The following DNAH12 variants were observed in gnomAD, a reference collection of about 807,000 sequenced individuals.
The protein encoded by DNAH12 is dynein axonemal heavy chain 12.
Under a neutral mutation model 371.5 loss-of-function variants are expected in DNAH12, and 285 were observed. The ratio of observed to expected loss-of-function variants is 0.77; its 90% confidence interval spans 0.70 to 0.85. DNAH12 has a LOEUF of 0.85. Ranked by LOEUF, DNAH12 falls within the 40% of genes least tolerant of loss-of-function variation. The pLI is 0.00. For missense variants in DNAH12, 3,611 were observed against 3,689.4 expected (o/e 0.98, Z 0.55); for synonymous variants, 1,200 against 1,213.0 (o/e 0.99, Z 0.22).
chr3:57,479,653 T>C (rs1250053069), intron 13 of DNAH12, among the ~76,000 whole-genome samples: 6 of 152,116 alleles, frequency 3.9e-5, no homozygotes, highest in South Asian at 2.1e-4. Context: ...TATTCCAAAA[T>C]TGACCACACG....
chr3:57,469,531 G>A (rs374499928), intron 16 of DNAH12, among the ~76,000 whole-genome samples: 11 of 152,270 alleles, frequency 7.2e-5, no homozygotes, highest in African/African-American at 2.4e-4. Flanking sequence ...ACATGTACTC[G>A]TCTGTTCATC....
At chr3:57,413,217 T>C (rs781937381) in intron 39 of DNAH12, among the ~76,000 whole-genome samples, 3 of 152,154 alleles carry the variant, frequency 2.0e-5, no homozygotes, top group Non-Finnish European at 4.4e-5. Context: ...ACTCCAACTA[T>C]ATGACATTCT....
chr3:57,448,367 C>T (rs1023063968), intron 25 of DNAH12, among the ~76,000 whole-genome samples: 7 of 151,804 alleles, frequency 4.6e-5, no homozygotes, highest in African/African-American at 1.7e-4. Flanking sequence ...TCCTGGTGGG[C>T]TCGTGCTCTC....
chr3:57,363,461 T>G (rs1201504955), intron 58 of DNAH12, 133 bp downstream of exon 58: 1 of 152,184 alleles, frequency 6.6e-6, no homozygotes, highest in African/African-American at 2.4e-5. Flanking sequence ...TTTTGGTATT[T>G]TATCATTTTC....
chr3:57,433,668 G>A lies in DNAH12; in HGVS notation c.4816C>T (p.Gln1606Ter). The A allele has an allele frequency of 6.5e-7, 1 of 1,549,968 alleles. No individual in the cohort carries two copies. The highest frequency in any genetic ancestry group is 8.7e-7 in the Non-Finnish European group (1 of 1,146,712). ...KSITMGQLFGQFDPVSHEWTD... is the reference protein window; with the variant it reads ...KSITMGQLFG ...ACCTCATGAGACACTGGGTCAAACT[G>A]TCCAAAAAGTTGGCCCATAGTAATA... The change falls in exon 31 of 74, where the codon CAG (glutamine) becomes TAG (stop). Residue 1606 changes from glutamine (Q) to a stop codon, truncating the protein, a stop_gained. Coordinates refer to ENST00000495027, the MANE Select transcript of DNAH12 (RefSeq NM_001366028.2). LOFTEE classifies it high-confidence loss of function.
At position 57,334,889 on chromosome 3, in the gene DNAH12, T is replaced by C. The variant is rs1449984417; in HGVS notation, c.9726A>G (p.Gly3242=). The change falls in exon 61 of 74, where the codon GGA becomes GGG. Residue 3242 remains glycine (G), a synonymous_variant. Transcript: ENST00000495027. ...YQELMFLLTG[G]VSLKSAEKNP... ...TTTTCTCAGCACTTTTAAGACTTAC[T>C]CCTCCAGTTAAAAGAAACATCAGTT... 2 of 1,551,682 alleles carry C rather than the reference T, an allele frequency of 1.3e-6. No homozygotes were observed. Among genetic ancestry groups the C allele is most frequent in the East Asian group, 4.9e-5 (2 of 40,918 alleles).
In DNAH12 at chr3:57,399,456, T is replaced by A. The variant is rs1043499492; in HGVS notation, c.6948+3853A>T. Among the ~76,000 whole-genome samples the A allele has an allele frequency of 1.9e-3, 284 of 152,272 alleles. 2 individuals carry two copies. The highest frequency in any genetic ancestry group is 3.4e-3 in the Middle Eastern group (1 of 294). On this transcript the variant is annotated intron_variant, in intron 43 of 73. Coordinates refer to ENST00000495027, the MANE Select transcript of DNAH12 (RefSeq NM_001366028.2). The stretch of plus-strand genomic sequence containing the variant: ...TTCATTTTAGATCCAAGGAAATATG[T>A]AAGCTAAAGAATGGAAAAAGATATA...
At chr3:57,484,271 C>A (rs2066854228) in intron 12 of DNAH12, among the ~76,000 whole-genome samples, 1 of 152,036 alleles carries the variant, frequency 6.6e-6, no homozygotes, top group African/African-American at 2.4e-5. Context: ...AGATCAAACC[C>A]TCAAACTCTT....
At position 57,472,717 on chromosome 3, in the gene DNAH12, A is replaced by G. The variant is rs1159851925; in HGVS notation, c.1651-46T>C. On this transcript the variant is annotated intron_variant, in intron 13 of 73. Coordinates refer to ENST00000495027, the MANE Select transcript of DNAH12 (RefSeq NM_001366028.2). Reference sequence around the variant, plus strand: ...ATAATATGTCATATAGAAAATCTACATCATTATGAAAAAGAGAAGAACCAA... The same window carrying G: ...ATAATATGTCATATAGAAAATCTACGTCATTATGAAAAAGAGAAGAACCAA... The G allele has an allele frequency of 2.0e-6, 3 of 1,516,710 alleles. No homozygotes were observed. In the Admixed American group the frequency reaches 6.6e-5, roughly 33 times the overall value. The allele number at this position is 1,516,710 out of a possible 1,614,324, so 94.0% of individuals were successfully genotyped here.
the DNAH12 span, among the ~76,000 whole-genome samples, chr3:57,552,833 T>G: frequency 1.3e-5 from 2 of 152,184 alleles, no homozygotes. Context: ...TGAACTATTA[T>G]GTTGCCACTG....
chr3:57,358,535 G>C (rs1189381072), intron 58 of DNAH12, among the ~76,000 whole-genome samples: 2 of 152,106 alleles, frequency 1.3e-5, no homozygotes, highest in African/African-American at 2.4e-5. Flanking sequence ...GTGGGTTCCT[G>C]TTCCTTGCAA....
At chr3:57,524,196 G>T (rs547298464) in intron 2 of DNAH12, among the ~76,000 whole-genome samples, 2 of 152,016 alleles carry the variant, frequency 1.3e-5, no homozygotes, top group Non-Finnish European at 2.9e-5. Context: ...AATGTCTGCC[G>T]GTCTGTCAGA....
intron 59 of DNAH12, among the ~76,000 whole-genome samples, chr3:57,354,530 T>G (rs1273377292): frequency 1.5e-5 from 2 of 132,882 alleles, no homozygotes; most frequent in Admixed American, 1.6e-4. Flanking sequence ...ACCCTATGTC[T>G]TGTTTGCTAA....
chr3:57,390,123 C>CT (rs2063583727), intron 45 of DNAH12, among the ~76,000 whole-genome samples: 1 of 148,854 alleles, frequency 6.7e-6, no homozygotes, highest in Non-Finnish European at 1.5e-5. Context: ...CGTGAGCCAC[C>CT]GTGCCCAACT....
At chr3:57,530,223 CCT>C (rs1186599225) in intron 2 of DNAH12, 1 of 193,440 alleles carries the variant, frequency 5.2e-6, no homozygotes, top group Non-Finnish European at 1.0e-5. Flanking sequence ...ATTTCATCCC[CCT>C]GCTTTTTAAC....
intron 40 of DNAH12, among the ~76,000 whole-genome samples, chr3:57,406,885 A>C (rs72879636): frequency 0.2 from 30,523 of 152,056 alleles, 3,299 homozygotes; most frequent in African/African-American, 0.24. Flanking sequence ...TATAGTCAAA[A>C]AAGGAAAACA....
intron 57 of DNAH12, among the ~76,000 whole-genome samples, chr3:57,364,840 T>G (rs895193354): frequency 7.2e-5 from 11 of 152,198 alleles, no homozygotes; most frequent in Non-Finnish European, 1.2e-4. Context: ...AAGATATTTA[T>G]GTGGCCAACA....
chr3:57,542,762 G>C lies in DNAH12; in HGVS notation c.109C>G (p.Gln37Glu), dbSNP rs781014120. Residue 37 changes from glutamine to glutamate, a missense_variant, in exon 2 of 74, where the codon CAA becomes GAA. Physicochemically the swap from Gln to Glu is conservative, Grantham distance 29. Coordinates refer to ENST00000495027, the MANE Select transcript of DNAH12 (RefSeq NM_001366028.2). Reference protein sequence around the residue: ...PENIGVDTPTQSKLLKYRRSK... With the variant: ...PENIGVDTPTESKLLKYRRSK... Reference sequence around the variant, plus strand: ...CTTCTGTATTTTAGCAGCTTACTTTGTGTTGGTGTATCAACGCCTATGTTT... The same window carrying C: ...CTTCTGTATTTTAGCAGCTTACTTTCTGTTGGTGTATCAACGCCTATGTTT... 5 of 1,612,344 alleles carry C rather than the reference G, an allele frequency of 3.1e-6. No homozygotes were observed. Among genetic ancestry groups the C allele is most frequent in the Non-Finnish European group, 4.2e-6 (5 of 1,179,356 alleles).
intron 67 of DNAH12, among the ~76,000 whole-genome samples, chr3:57,310,414 GTTT>G (rs916850759): frequency 6.6e-6 from 1 of 152,116 alleles, no homozygotes; most frequent in Non-Finnish European, 1.5e-5. Flanking sequence ...CTGCTAATTT[GTTT>G]TTTGTCAGTT....
Sources: gnomAD v4.1 joint callset for allele counts (sites outside exome capture counted in the v4.1 genomes callset) on GRCh38, gnomAD v4.1.1 for gene constraint, MANE v1.5 for transcripts, NCBI Gene and HGNC (gene_info 2026-07-23, HGNC 2026-07-21) for gene names.